Variants in MDGA2 observed in about 807,000 individuals in gnomAD.
MDGA2 encodes the protein MAM domain containing glycosylphosphatidylinositol anchor 2.
Under a neutral mutation model 117.8 loss-of-function variants are expected in MDGA2, and 40 were observed. The observed-to-expected ratio is 0.34, with a 90% CI of 0.26 to 0.44. The LOEUF (loss-of-function observed/expected upper bound fraction) is 0.44, where lower values mean the gene tolerates loss of function less well. Among genes scored for constraint, MDGA2 ranks in the 20% least tolerant of loss-of-function variants. The pLI, the probability that MDGA2 is intolerant of heterozygous loss-of-function variation, is 1.00. For missense variants in MDGA2, 1,123 were observed against 1,250.6 expected (o/e 0.90, Z 1.54); for synonymous variants, 452 against 439.0 (o/e 1.03, Z -0.37).
At chr14:47,349,344 AAC>A (rs1446887034) in intron 1 of MDGA2, among the ~76,000 whole-genome samples, 1 of 152,230 alleles carries the variant, frequency 6.6e-6, no homozygotes, top group African/African-American at 2.4e-5. Flanking sequence ...CTCTTCAGGT[AAC>A]AGTTATGCAC....
intron 2 of MDGA2, among the ~76,000 whole-genome samples, chr14:47,273,212 T>G (rs1028402620): frequency 4.6e-5 from 7 of 152,170 alleles, no homozygotes; most frequent in African/African-American, 7.2e-5. Context: ...AGCATAATTT[T>G]GAACATAAAA....
At chr14:47,440,091 C>A (rs965025722) in intron 1 of MDGA2, among the ~76,000 whole-genome samples, 1 of 151,984 alleles carries the variant, frequency 6.6e-6, no homozygotes, top group Non-Finnish European at 1.5e-5. Flanking sequence ...CAGACAATGT[C>A]ACTGCTCCAT....
chr14:47,354,061 T>A (rs148775243), intron 1 of MDGA2, among the ~76,000 whole-genome samples: 2 of 152,116 alleles, frequency 1.3e-5, no homozygotes, highest in Non-Finnish European at 2.9e-5. Flanking sequence ...AACTATATGA[T>A]CATCTCAATA....
rs950313003 is a variant in MDGA2 at position 46,855,742 on chromosome 14, A to G, written c.2753-588T>C. Among the ~76,000 whole-genome samples, 17 of 152,126 alleles carry G rather than the reference A, an allele frequency of 1.1e-4. No homozygotes were observed. The highest frequency in any genetic ancestry group is 3.9e-4 in the African/African-American group (16 of 41,422). On this transcript the variant is annotated intron_variant, in intron 14 of 16. Transcript: ENST00000399232. The surrounding 1 kb of genome is among the most constrained non-coding windows in gnomAD (Gnocchi z 4.1). ...GTTGTTTTAGATCATGAAGTTGGTG[A>G]TCATTTGTTATTTGTTACAGTAGCA...
chr14:47,347,323 C>T (rs141650960), intron 1 of MDGA2, among the ~76,000 whole-genome samples: 2 of 151,972 alleles, frequency 1.3e-5, no homozygotes, highest in Non-Finnish European at 2.9e-5. Context: ...CAATAATGCC[C>T]GTATTTGAGA....
intron 1 of MDGA2, among the ~76,000 whole-genome samples, chr14:47,439,678 AT>A (rs1039182781): frequency 1.1e-4 from 16 of 151,378 alleles, no homozygotes; most frequent in African/African-American, 2.7e-4. Flanking sequence ...GACCGACTAA[AT>A]TTTTTTTTCA....
intron 8 of MDGA2, among the ~76,000 whole-genome samples, chr14:47,021,460 T>C (rs1888283261): frequency 6.6e-6 from 1 of 152,174 alleles, no homozygotes; most frequent in Non-Finnish European, 1.5e-5. Context: ...ATGCACTGCA[T>C]TTTCTCTAGA....
chr14:47,595,341 C>T lies in MDGA2; in HGVS notation c.280+79176G>A, dbSNP rs577876925. 5.9e-5 allele frequency among the ~76,000 whole-genome samples: 9 copies of T among 151,894 alleles called. No homozygotes were observed. In the South Asian group the frequency reaches 1.5e-3, roughly 25 times the overall value. On this transcript the variant is annotated intron_variant, in intron 1 of 16. Coordinates refer to ENST00000399232, the MANE Select transcript of MDGA2 (RefSeq NM_001113498.3). ...CCTGAGGTCAGGAGTTTGAGATCAG[C>T]GTGGCCAATTTGGCGAAACCCCTTT...
chr14:47,222,742 T>C (rs1886347129), intron 2 of MDGA2, among the ~76,000 whole-genome samples: 1 of 152,222 alleles, frequency 6.6e-6, no homozygotes, highest in Non-Finnish European at 1.5e-5. Flanking sequence ...ACAGGCATGC[T>C]ATTGAAACTT....
intron 9 of MDGA2, among the ~76,000 whole-genome samples, chr14:46,928,000 G>C (rs753583472): frequency 2.0e-4 from 31 of 152,000 alleles, no homozygotes; most frequent in Admixed American, 6.6e-4. Flanking sequence ...CAAATCACTG[G>C]GATCTTTAAA....
intron 5 of MDGA2, among the ~76,000 whole-genome samples, chr14:47,117,455 A>T (rs1380193501): frequency 6.6e-6 from 1 of 152,202 alleles, no homozygotes; most frequent in African/African-American, 2.4e-5. Flanking sequence ...GGATTCCTAT[A>T]TTCACTGCAG....
At chr14:47,540,538 G>GTGTGTGTGTGTA (rs1566506014) in intron 1 of MDGA2, among the ~76,000 whole-genome samples, 1 of 73,906 alleles carries the variant, frequency 1.4e-5, no homozygotes, top group African/African-American at 4.0e-5. Flanking sequence ...GTGTGTGTGT[G>GTGTGTGTGTGTA]TGTATATATA....
chr14:46,855,263 C>G lies in MDGA2; in HGVS notation c.2753-109G>C. ...TTAAACTGAAATTTTACAGAACACT[C>G]TAGTGTCTTGTCCTCTCTTCTCCTC... is the stretch of plus-strand genomic sequence containing the variant. On this transcript the variant is annotated intron_variant, in intron 14 of 16. Transcript: ENST00000399232. This position sits in a 1 kb window ranked among gnomAD's most constrained non-coding sequence, Gnocchi z 4.1. 1.2e-6 allele frequency: 1 copy of G among 820,448 alleles called. No homozygotes were observed. The highest frequency in any genetic ancestry group is 1.9e-5 in the South Asian group (1 of 52,744). 50.8% of individuals were successfully genotyped at this position (820,448 alleles called of 1,614,324 possible).
intron 5 of MDGA2, among the ~76,000 whole-genome samples, chr14:47,124,784 T>C (rs1406973822): frequency 2.0e-5 from 3 of 152,068 alleles, no homozygotes; most frequent in Non-Finnish European, 4.4e-5. Flanking sequence ...TTTCCCTCCA[T>C]GAATGCACAG....
chr14:46,901,032 C>G (rs1452240438), intron 10 of MDGA2, among the ~76,000 whole-genome samples: 1 of 151,786 alleles, frequency 6.6e-6, no homozygotes, highest in Non-Finnish European at 1.5e-5. Flanking sequence ...AGAAAAAAAA[C>G]ACTGCTTATT....
chr14:47,015,321 T>TA (rs5808372), intron 8 of MDGA2, among the ~76,000 whole-genome samples: 8,109 of 145,258 alleles, frequency 0.056, 296 homozygotes, highest in South Asian at 0.08. Flanking sequence ...CACATGCTGT[T>TA]AAAAAAAAAA....
intron 1 of MDGA2, among the ~76,000 whole-genome samples, chr14:47,529,291 C>T (rs1895043544): frequency 6.6e-6 from 1 of 152,236 alleles, no homozygotes; most frequent in South Asian, 2.1e-4. Flanking sequence ...CAGATATCAA[C>T]TCTATCCTTT....
At chr14:47,147,117 ATATG>A (rs1488021080) in intron 3 of MDGA2, among the ~76,000 whole-genome samples, 3 of 151,962 alleles carry the variant, frequency 2.0e-5, no homozygotes, top group African/African-American at 7.2e-5. Flanking sequence ...GGGAGATTAT[ATATG>A]TATGTTTGTG....
At chr14:47,103,792 T>C (rs187935453) in intron 5 of MDGA2, among the ~76,000 whole-genome samples, 6 of 152,380 alleles carry the variant, frequency 3.9e-5, no homozygotes, top group Admixed American at 2.0e-4. Context: ...GTATCTGTTG[T>C]TGTTGTTATC....
Sources: gnomAD v4.1 joint callset for allele counts (sites outside exome capture counted in the v4.1 genomes callset) on GRCh38, gnomAD v4.1.1 for gene constraint, Gnocchi (gnomAD v3.1) non-coding constraint, MANE v1.5 for transcripts, NCBI Gene and HGNC (gene_info 2026-07-23, HGNC 2026-07-21) for gene names.